Variants in RFXANK observed in about 807,000 individuals in gnomAD.
The protein encoded by RFXANK is regulatory factor X associated ankyrin containing protein.
A neutral mutation model predicts 34.5 loss-of-function variants in RFXANK; 19 were observed. The ratio of observed to expected loss-of-function variants is 0.55; its 90% confidence interval spans 0.38 to 0.81. RFXANK has a LOEUF of 0.81. RFXANK is among the 30% of genes least tolerant of loss of function. The probability of loss-of-function intolerance (pLI) is 0.00; values close to 1 mark genes in which losing one functional copy is unlikely to be tolerated. For synonymous variants in RFXANK, 154 were observed against 149.8 expected, an observed-to-expected ratio of 1.03 and a Z score of -0.20; for missense variants, 295 against 343.5, an observed-to-expected ratio of 0.86 and a Z score of 1.12.
chr19:19,194,276 A>G (rs1415552741), intron 3 of RFXANK, 143 bp downstream of exon 3: 5 of 912,678 alleles, frequency 5.5e-6, no homozygotes, highest in South Asian at 1.4e-5. Context: ...CTTGTTGCCC[A>G]TGCTGGAGTG....
Position 19,194,133 on chromosome 19 carries a change from G to A in RFXANK, c.187G>A (p.Ala63Thr), listed in dbSNP as rs150525759. The change falls in exon 3 of 10, where the codon GCA (alanine) becomes ACA (threonine). Residue 63 changes from alanine to threonine, a missense_variant and splice_region_variant. Physicochemically the swap from Ala to Thr is moderately conservative, Grantham distance 58. Transcript: ENST00000303088. ...EPDASVSSPQ[A>T]GSSLKHSTTL... ...GGATGCCAGTGTTTCCTCTCCACAG[G>A]GTAGGATACCTCCTCTGGGATTAGC... 1.4e-4 allele frequency: 230 copies of A among 1,614,088 alleles called. No homozygotes were observed. Among genetic ancestry groups the A allele is most frequent in the African/African-American group, 2.1e-4 (16 of 75,034 alleles).
intron 1 of RFXANK, 64 bp downstream of exon 1, chr19:19,192,618 G>C (rs1397462270): frequency 6.3e-6 from 1 of 157,486 alleles, no homozygotes. Context: ...TCTTGAGATA[G>C]CCCCGCCCAT....
At chr19:19,200,473 G>A (rs905423719) in intron 9 of RFXANK, among the ~76,000 whole-genome samples, 2 of 151,956 alleles carry the variant, frequency 1.3e-5, no homozygotes, top group Non-Finnish European at 2.9e-5. Context: ...ACCACGCCTG[G>A]CTGTGTTGTT....
At chr19:19,197,678 G>T in intron 6 of RFXANK, 57 bp downstream of exon 6, 1 of 1,518,494 alleles carries the variant, frequency 6.6e-7, no homozygotes. Flanking sequence ...AGGGTGGGCT[G>T]GGGTTTTGGC....
At chr19:19,200,031 A>G (rs1022913623) in intron 9 of RFXANK, among the ~76,000 whole-genome samples, 4 of 151,968 alleles carry the variant, frequency 2.6e-5, no homozygotes, top group Admixed American at 6.6e-5. Flanking sequence ...GTCTTGCTCT[A>G]TCACCCAGGC....
In RFXANK at chr19:19,198,728, G is replaced by C. The variant is rs1305606350; in HGVS notation, c.631+5G>C. The C allele has an allele frequency of 1.2e-6, 2 of 1,613,896 alleles. No homozygotes were observed. Among genetic ancestry groups the C allele is most frequent in the African/African-American group, 1.3e-5 (1 of 75,072 alleles). On this transcript the variant is annotated splice_donor_5th_base_variant and intron_variant, in intron 8 of 9. Coordinates refer to ENST00000303088, the MANE Select transcript of RFXANK (RefSeq NM_003721.4). ...AATGCGTTGAGGCCTTGCTGGGTGAGTGGGAGTCGGGAGTGGCCCTGGGGG... is the reference window on the plus strand; with the variant it reads ...AATGCGTTGAGGCCTTGCTGGGTGACTGGGAGTCGGGAGTGGCCCTGGGGG...
chr19:19,192,410 T>G lies in RFXANK; in HGVS notation c.-294T>G. The G allele has an allele frequency of 1.9e-6, 1 of 524,438 alleles. No homozygotes were observed. The highest frequency in any genetic ancestry group is 3.4e-6 in the Non-Finnish European group (1 of 291,322). The allele number at this position is 524,438 out of a possible 1,614,324, so 32.5% of individuals were successfully genotyped here. Reference sequence around the variant, plus strand: ...ACTCTCTCCCTTTCTGAACCCCCTTTTCCTTGAGAGACGAGTTGGGGGAGT... The same window carrying G: ...ACTCTCTCCCTTTCTGAACCCCCTTGTCCTTGAGAGACGAGTTGGGGGAGT... On this transcript the variant is annotated 5_prime_UTR_variant, in exon 1 of 10. Transcript: ENST00000303088.
At chr19:19,198,532 G>A in intron 7 of RFXANK, 125 bp from the exon 8 acceptor site, 1 of 1,197,896 alleles carries the variant, frequency 8.3e-7, no homozygotes. Context: ...TGAGACCCCA[G>A]AAAGTGAGAT....
At chr19:19,194,754 A>G (rs1472413969) in intron 3 of RFXANK, among the ~76,000 whole-genome samples, 2 of 132,356 alleles carry the variant, frequency 1.5e-5, no homozygotes, top group African/African-American at 5.9e-5. Flanking sequence ...GCAGGCCTCC[A>G]CTTCCGAAAG....
At position 19,192,376 on chromosome 19, in the gene RFXANK, G is replaced by T. The variant is rs62135502; in HGVS notation, c.-328G>T. 1.4e-5 allele frequency: 8 copies of T among 580,050 alleles called. No individual in the cohort carries two copies. Among genetic ancestry groups the T allele is most frequent in the African/African-American group, 9.4e-5 (5 of 53,142 alleles). 35.9% of individuals were successfully genotyped at this position (580,050 alleles called of 1,614,324 possible). ...GGTGGAGCGACACCCAGGCAGGAGA[G>T]GGGGAAGAACTCTCTCCCTTTCTGA... On this transcript the variant is annotated 5_prime_UTR_variant, in exon 1 of 10. In the 5' UTR this introduces an upstream ATG that the reference lacks. Coordinates refer to ENST00000303088, the MANE Select transcript of RFXANK (RefSeq NM_003721.4).
intron 3 of RFXANK, among the ~76,000 whole-genome samples, chr19:19,195,589 C>T (rs1377177458): frequency 6.6e-6 from 1 of 151,864 alleles, no homozygotes; most frequent in Non-Finnish European, 1.5e-5. Flanking sequence ...CAGGCGTGAG[C>T]CACCGCGCCC....
At position 19,194,690 on chromosome 19, in the gene RFXANK, AT is replaced by A. The variant is rs75789359; in HGVS notation, c.187+573del. Among the ~76,000 whole-genome samples, 1,123 of 136,920 alleles carry A rather than the reference AT, an allele frequency of 8.2e-3. 1 individual carries two copies. The highest frequency in any genetic ancestry group is 9.1e-3 in the Non-Finnish European group (573 of 63,114). 89.8% of individuals were successfully genotyped at this position (136,920 alleles called of 152,430 possible). A position where few individuals can be genotyped will look rare whatever the true frequency, so the allele number is the denominator to read the frequency against. On this transcript the variant is annotated intron_variant, in intron 3 of 9. Transcript: ENST00000303088. ...ATAGGCATGCAACCACACCTGGCTA[AT>A]TTTTTTTTTTTTTTTGGGAGGCTGG... is the stretch of plus-strand genomic sequence containing the variant.
chr19:19,199,672 G>C (rs987998320), intron 9 of RFXANK, among the ~76,000 whole-genome samples: 5 of 152,160 alleles, frequency 3.3e-5, no homozygotes, highest in African/African-American at 1.2e-4. Context: ...GGTGGGAGGA[G>C]TGGCCCCTGC....
intron 7 of RFXANK, 100 bp downstream of exon 7, chr19:19,198,332 G>T: frequency 6.5e-7 from 1 of 1,539,370 alleles, no homozygotes; most frequent in Non-Finnish European, 8.8e-7. Context: ...TGCTCTAGGT[G>T]CCGAGAACAC....
chr19:19,196,067 A>G (rs1452590307), intron 3 of RFXANK, among the ~76,000 whole-genome samples: 1 of 152,048 alleles, frequency 6.6e-6, no homozygotes, highest in African/African-American at 2.4e-5. Flanking sequence ...CACTTATTTC[A>G]ACTTGAAGTT....
chr19:19,199,221 G>C lies in RFXANK; in HGVS notation c.699G>C (p.Leu233=). 1 of 1,614,112 alleles carries C rather than the reference G, an allele frequency of 6.2e-7. No individual in the cohort carries two copies. Among genetic ancestry groups the C allele is most frequent in the Non-Finnish European group, 8.5e-7 (1 of 1,180,022 alleles). The change falls in exon 9 of 10, where the codon CTG becomes CTC. Residue 233 remains leucine, a synonymous_variant. Coordinates refer to ENST00000303088, the MANE Select transcript of RFXANK (RefSeq NM_003721.4). Reference sequence around the variant, plus strand: ...CCCCGATGGACCTTGCCGTGGCCCTGGGATACCGGAAAGGTCAGCCTGAGA... The same window carrying C: ...CCCCGATGGACCTTGCCGTGGCCCTCGGATACCGGAAAGGTCAGCCTGAGA... ...GYTPMDLAVA[L]GYRKVQQVIE...
chr19:19,195,205 GTTT>G (rs200720955), intron 3 of RFXANK, among the ~76,000 whole-genome samples: 3 of 117,846 alleles, frequency 2.5e-5, no homozygotes, highest in Non-Finnish European at 5.2e-5. Context: ...ACTACAGTCC[GTTT>G]TTTTTTTTTT....
In RFXANK at chr19:19,201,700, T is replaced by G; in HGVS notation, c.764T>G (p.Val255Gly). Reference protein sequence around the residue: ...HILKLFQSNLVPADPE With the variant: ...HILKLFQSNLGPADPE Reference sequence around the variant, plus strand: ...CTCAAGCTCTTCCAGAGCAACCTGGTGCCCGCTGACCCTGAGTGAAGGCCG... The same window carrying G: ...CTCAAGCTCTTCCAGAGCAACCTGGGGCCCGCTGACCCTGAGTGAAGGCCG... Residue 255 changes from valine (V) to glycine (G), a missense_variant, in exon 10 of 10, where the codon GTG becomes GGG. Coordinates refer to ENST00000303088, the MANE Select transcript of RFXANK (RefSeq NM_003721.4). The G allele has an allele frequency of 6.2e-7, 1 of 1,614,114 alleles. No individual in the cohort carries two copies. Among genetic ancestry groups the G allele is most frequent in the Non-Finnish European group, 8.5e-7 (1 of 1,180,010 alleles).
In RFXANK at chr19:19,194,204, C is replaced by T. The variant is rs182211558; in HGVS notation, c.187+71C>T. The T allele has an allele frequency of 1.2e-4, 181 of 1,479,238 alleles. No homozygotes were observed. In the African/African-American group the frequency reaches 2.2e-3, roughly 18 times the overall value. 91.6% of individuals were successfully genotyped at this position (1,479,238 alleles called of 1,614,324 possible). ...TGGAATGTCAGGCCTCACATGGAAC[C>T]TGTGTCTTGCTTTCGTTTTTGTTTT... On this transcript the variant is annotated intron_variant, in intron 3 of 9. Transcript: ENST00000303088.
Sources: allele counts gnomAD v4.1 joint callset (sites outside exome capture counted in the v4.1 genomes callset), GRCh38; gene constraint gnomAD v4.1.1; transcripts MANE v1.5; gene names NCBI Gene and HGNC (gene_info 2026-07-23, HGNC 2026-07-21).